Variants in L3MBTL4 observed in about 807,000 individuals in gnomAD.
The protein encoded by L3MBTL4 is lethal(3)malignant brain tumor-like protein 4.
Under a neutral mutation model 84.5 loss-of-function variants are expected in L3MBTL4, and 70 were observed. The observed-to-expected ratio is 0.83, with a 90% confidence interval of 0.68 to 1.01. The LOEUF (loss-of-function observed/expected upper bound fraction) is 1.01. L3MBTL4 is among the 50% of genes least tolerant of loss of function. The pLI is 0.00. For synonymous variants in L3MBTL4, 274 were observed against 259.8 expected, an observed-to-expected ratio of 1.05 and a Z score of -0.52; for missense variants, 715 against 754.8, an observed-to-expected ratio of 0.95 and a Z score of 0.62.
At chr18:6,285,917 C>T (rs1377512522) in intron 4 of L3MBTL4, among the ~76,000 whole-genome samples, 6 of 151,290 alleles carry the variant, frequency 4.0e-5, no homozygotes, top group African/African-American at 1.5e-4. Context: ...CTGCAACCTC[C>T]GCCTCCCGGG....
At chr18:6,181,864 G>C (rs143005887) in intron 12 of L3MBTL4, among the ~76,000 whole-genome samples, 1 of 152,312 alleles carries the variant, frequency 6.6e-6, no homozygotes, top group African/African-American at 2.4e-5. Context: ...TGGTTGTCTA[G>C]CATTCCATGG....
At chr18:6,138,902 A>G (rs2060113406) in intron 13 of L3MBTL4, among the ~76,000 whole-genome samples, 1 of 152,190 alleles carries the variant, frequency 6.6e-6, no homozygotes, top group African/African-American at 2.4e-5. Flanking sequence ...TGGCAAAGAC[A>G]ATACAGCCAC....
chr18:6,224,803 C>G lies in L3MBTL4; in HGVS notation c.785-8968G>C, dbSNP rs1028092463. ...AGGCTCACAAGCTGACAAGCTCCAT[C>G]AGGGCACCCAGAGATTTTACCCAGC... On this transcript the variant is annotated intron_variant, in intron 10 of 18. Transcript: ENST00000317931. Among the ~76,000 whole-genome samples, 7 of 152,050 alleles carry G rather than the reference C, an allele frequency of 4.6e-5. No homozygotes were observed. In the South Asian group the frequency reaches 1.5e-3, roughly 32 times the overall value.
At chr18:5,993,231 C>T (rs1382938820) in intron 16 of L3MBTL4, among the ~76,000 whole-genome samples, 1 of 152,210 alleles carries the variant, frequency 6.6e-6, no homozygotes. Context: ...ACATAAACCT[C>T]TCCATAGAGA....
intron 14 of L3MBTL4, among the ~76,000 whole-genome samples, chr18:6,129,421 CA>C (rs1419169966): frequency 1.4e-5 from 2 of 144,176 alleles, no homozygotes; most frequent in Non-Finnish European, 3.0e-5. Flanking sequence ...CCAATTCACT[CA>C]TTTCATCATT....
Position 6,148,865 on chromosome 18 carries a change from T to A in L3MBTL4, c.1097-10569A>T, listed in dbSNP as rs139012438. On this transcript the variant is annotated intron_variant, in intron 13 of 18. Coordinates refer to ENST00000317931, the MANE Select transcript of L3MBTL4 (RefSeq NM_001330559.2). ...AGACTTACTGTGAGGAACTAAAGAGTTAAATGGCACCTAAGGGTTTTTAAT... is the reference window on the plus strand; with the variant it reads ...AGACTTACTGTGAGGAACTAAAGAGATAAATGGCACCTAAGGGTTTTTAAT... 3.2e-3 allele frequency among the ~76,000 whole-genome samples: 494 copies of A among 152,230 alleles called. 2 individuals are homozygous for A. Among genetic ancestry groups the A allele is most frequent in the African/African-American group, 0.011 (460 of 41,544 alleles).
chr18:6,219,346 G>A lies in L3MBTL4; in HGVS notation c.785-3511C>T, dbSNP rs556917986. Among the ~76,000 whole-genome samples the A allele has an allele frequency of 5.3e-5, 8 of 151,990 alleles. No homozygotes were observed. The South Asian group carries it at 1.5e-3, about 28-fold the overall frequency. On this transcript the variant is annotated intron_variant, in intron 10 of 18. Coordinates refer to ENST00000317931, the MANE Select transcript of L3MBTL4 (RefSeq NM_001330559.2). The stretch of plus-strand genomic sequence containing the variant: ...AAGGCATAGAACTGCGACAGCGAGA[G>A]GGCGGGACTGTAAACTGCTGGACTG...
intron 12 of L3MBTL4, among the ~76,000 whole-genome samples, chr18:6,201,369 G>A (rs539268290): frequency 1.3e-5 from 2 of 152,296 alleles, no homozygotes; most frequent in East Asian, 1.9e-4. Context: ...CCCAGTGAAC[G>A]AGAGGGAAGA....
intron 1 of L3MBTL4, among the ~76,000 whole-genome samples, chr18:6,403,819 C>T (rs1262306991): frequency 6.6e-6 from 1 of 152,152 alleles, no homozygotes; most frequent in Non-Finnish European, 1.5e-5. Flanking sequence ...CAGCACAATT[C>T]ACAACTGCAA....
intron 16 of L3MBTL4, among the ~76,000 whole-genome samples, chr18:6,003,669 G>C (rs1013679938): frequency 6.6e-6 from 1 of 152,048 alleles, no homozygotes; most frequent in African/African-American, 2.4e-5. Flanking sequence ...TGTTTCAATA[G>C]ATTGAAAAAG....
intron 13 of L3MBTL4, among the ~76,000 whole-genome samples, chr18:6,139,874 A>G (rs1399776483): frequency 6.6e-6 from 1 of 151,924 alleles, no homozygotes; most frequent in Non-Finnish European, 1.5e-5. Flanking sequence ...GGCTTCCACT[A>G]TCTGCCCACT....
chr18:6,041,562 T>G (rs2145718278), intron 16 of L3MBTL4, among the ~76,000 whole-genome samples: 1 of 149,210 alleles, frequency 6.7e-6, no homozygotes, highest in East Asian at 2.0e-4. Flanking sequence ...GGGAAGAGCC[T>G]CACTACCTGC....
rs1277355710 is a variant in L3MBTL4, at chr18:6,244,339, CAT to C, written c.324+143_324+144del. 4.9e-5 allele frequency: 24 copies of C among 492,108 alleles called. No homozygotes were observed. The East Asian group carries it at 7.4e-4, about 15-fold the overall frequency. The allele number at this position is 492,108 out of a possible 1,614,324, so 30.5% of individuals were successfully genotyped here. On this transcript the variant is annotated intron_variant, in intron 6 of 18. Coordinates refer to ENST00000317931, the MANE Select transcript of L3MBTL4 (RefSeq NM_001330559.2). Reference sequence around the variant, plus strand: ...AGAAGGAAAAAAATTCACTAAGAAACATAGTTTCACCCATCGCTGACTAAAAT... The same window carrying C: ...AGAAGGAAAAAAATTCACTAAGAAACAGTTTCACCCATCGCTGACTAAAAT...
intron 16 of L3MBTL4, among the ~76,000 whole-genome samples, chr18:6,041,613 G>T (rs570384048): frequency 2.6e-5 from 4 of 152,190 alleles, no homozygotes; most frequent in African/African-American, 9.6e-5. Context: ...GGCAGAACGT[G>T]TCCACAAATG....
At chr18:6,380,031 C>A (rs2054533114) in intron 1 of L3MBTL4, among the ~76,000 whole-genome samples, 1 of 152,080 alleles carries the variant, frequency 6.6e-6, no homozygotes, top group Admixed American at 6.6e-5. Flanking sequence ...CGACTTCTTC[C>A]TGGTTTAGTC....
chr18:6,099,359 C>T (rs1409054225), intron 14 of L3MBTL4, among the ~76,000 whole-genome samples: 3 of 151,518 alleles, frequency 2.0e-5, no homozygotes, highest in Admixed American at 6.6e-5. Context: ...AGTTATTGAA[C>T]AGTGATAGTA....
At chr18:6,107,274 C>T (rs955546016) in intron 14 of L3MBTL4, among the ~76,000 whole-genome samples, 1 of 152,108 alleles carries the variant, frequency 6.6e-6, no homozygotes, top group Admixed American at 6.5e-5. Flanking sequence ...GGAGACAGAG[C>T]CAATGGGCTG....
rs35502624 is a variant in L3MBTL4 at position 6,345,215 on chromosome 18, CAAAAAAAAAAAA to C, written c.-90-33171_-90-33160del. Among the ~76,000 whole-genome samples, 16 of 38,496 alleles carry C rather than the reference CAAAAAAAAAAAA, an allele frequency of 4.2e-4. No homozygotes were observed. In the South Asian group the frequency reaches 4.9e-3, roughly 12 times the overall value. 25.3% of individuals were successfully genotyped at this position (38,496 alleles called of 152,430 possible). On this transcript the variant is annotated intron_variant, in intron 1 of 18. Transcript: ENST00000317931. ...GTGAAACCCCATCTCTACTAAAATA[CAAAAAAAAAAAA>C]AAAAAAAAAGAAAAAAAAAAAGAGC...
chr18:6,110,059 G>A (rs2059142254), intron 14 of L3MBTL4, among the ~76,000 whole-genome samples: 1 of 151,866 alleles, frequency 6.6e-6, no homozygotes, highest in Non-Finnish European at 1.5e-5. Flanking sequence ...ATTTACTAAT[G>A]GCCCACAGAT....
Sources: allele counts gnomAD v4.1 joint callset (sites outside exome capture counted in the v4.1 genomes callset), GRCh38; gene constraint gnomAD v4.1.1; transcripts MANE v1.5; gene names NCBI Gene and HGNC (gene_info 2026-07-23, HGNC 2026-07-21).